APBB1IP: variants seen among roughly 807,000 people sequenced by gnomAD.
APBB1IP encodes amyloid beta precursor protein binding family B member 1 interacting protein, also known as amyloid beta A4 precursor protein-binding family B member 1-interacting protein.
A neutral mutation model predicts 64.9 loss-of-function variants in APBB1IP; 27 were observed. The observed-to-expected ratio is 0.42, with a 90% CI of 0.31 to 0.57. The LOEUF (loss-of-function observed/expected upper bound fraction) is 0.57. Ranked by LOEUF, APBB1IP falls within the 20% of genes least tolerant of loss-of-function variation. The pLI, the probability that APBB1IP is intolerant of heterozygous loss-of-function variation, is 0.20. For missense variants in APBB1IP, 812 were observed against 845.5 expected (o/e 0.96, Z 0.49); for synonymous variants, 392 against 331.0 (o/e 1.18, Z -2.00).
chr10:26,475,755 GATA>G (rs1347454793), intron 2 of APBB1IP, among the ~76,000 whole-genome samples: 3 of 152,192 alleles, frequency 2.0e-5, no homozygotes, highest in Non-Finnish European at 4.4e-5. Context: ...ACACAGGAGA[GATA>G]ATATTTTTTT....
chr10:26,518,905 A>C (rs368574765), intron 8 of APBB1IP, among the ~76,000 whole-genome samples: 1 of 152,164 alleles, frequency 6.6e-6, no homozygotes, highest in Non-Finnish European at 1.5e-5. Context: ...GCCTTCACAC[A>C]GATTTTTTAT....
chr10:26,543,808 G>A (rs1229064392), intron 11 of APBB1IP, among the ~76,000 whole-genome samples: 1 of 152,094 alleles, frequency 6.6e-6, no homozygotes, highest in Non-Finnish European at 1.5e-5. Context: ...AATGAGGTGA[G>A]GGAGCAAGAA....
chr10:26,488,899 G>T (rs1835924022), intron 2 of APBB1IP, among the ~76,000 whole-genome samples: 1 of 152,070 alleles, frequency 6.6e-6, no homozygotes, highest in Non-Finnish European at 1.5e-5. Context: ...TGGCTTCCTT[G>T]GATTCAAACA....
At chr10:26,556,788 T>A (rs1836899876) in intron 11 of APBB1IP, among the ~76,000 whole-genome samples, 1 of 152,216 alleles carries the variant, frequency 6.6e-6, no homozygotes, top group South Asian at 2.1e-4. Context: ...TTTAAATGTC[T>A]GAGTGGGGGG....
At chr10:26,533,711 A>G (rs1836583240) in intron 9 of APBB1IP, among the ~76,000 whole-genome samples, 186 bp downstream of exon 9, 1 of 152,110 alleles carries the variant, frequency 6.6e-6, no homozygotes, top group Non-Finnish European at 1.5e-5. Context: ...TTTTTGAGTC[A>G]TTTGTTACAA....
chr10:26,562,272 A>C, intron 13 of APBB1IP, 54 bp from the exon 14 acceptor site: 1 of 1,350,666 alleles, frequency 7.4e-7, no homozygotes, highest in Non-Finnish European at 1.1e-6. Flanking sequence ...ATCGACTTTC[A>C]AGAATGTTGA....
At chr10:26,454,041 T>C (rs4275518) in intron 2 of APBB1IP, among the ~76,000 whole-genome samples, 60,749 of 152,102 alleles carry the variant, frequency 0.4, 12,276 homozygotes, top group South Asian at 0.5. Flanking sequence ...AAAAAGAATG[T>C]TATCTTGTCA....
At chr10:26,453,946 T>A (rs1438436246) in intron 2 of APBB1IP, among the ~76,000 whole-genome samples, 4 of 152,160 alleles carry the variant, frequency 2.6e-5, no homozygotes, top group African/African-American at 7.2e-5. Context: ...GTTCACAAGA[T>A]TTGGAAACAA....
chr10:26,507,921 C>T (rs1254070928), intron 6 of APBB1IP, among the ~76,000 whole-genome samples: 3 of 151,938 alleles, frequency 2.0e-5, no homozygotes, highest in Non-Finnish European at 2.9e-5. Context: ...AAAGTGTTGC[C>T]ATGATTTAGT....
intron 2 of APBB1IP, among the ~76,000 whole-genome samples, chr10:26,481,069 G>GA (rs374379376): frequency 4.7e-5 from 7 of 150,240 alleles, no homozygotes; most frequent in South Asian, 2.1e-4. Flanking sequence ...ACCCAAAGTA[G>GA]AAAAAAAAAG....
intron 11 of APBB1IP, among the ~76,000 whole-genome samples, chr10:26,544,708 G>A (rs1172234691): frequency 6.6e-6 from 1 of 152,208 alleles, no homozygotes; most frequent in Non-Finnish European, 1.5e-5. Flanking sequence ...GTGAACAGGG[G>A]AGGGACTCAG....
chr10:26,542,455 C>T (rs1409332503), intron 11 of APBB1IP, among the ~76,000 whole-genome samples: 3 of 152,174 alleles, frequency 2.0e-5, no homozygotes, highest in Admixed American at 6.5e-5. Context: ...CACTCCTGGC[C>T]GATTTACATT....
intron 5 of APBB1IP, chr10:26,501,706 G>T: frequency 6.5e-6 from 1 of 152,950 alleles, no homozygotes; most frequent in Non-Finnish European, 1.5e-5. Flanking sequence ...TTAACTCATA[G>T]TATGTCTCTC....
intron 8 of APBB1IP, among the ~76,000 whole-genome samples, chr10:26,514,921 G>T (rs747965693): frequency 4.0e-5 from 6 of 151,808 alleles, no homozygotes; most frequent in Non-Finnish European, 7.4e-5. Flanking sequence ...TGCCAGGCTG[G>T]AGTGCAGTGG....
At position 26,506,934 on chromosome 10, in the gene APBB1IP, G is replaced by A. The variant is rs915989343; in HGVS notation, c.531+3660G>A. On this transcript the variant is annotated intron_variant, in intron 6 of 14. Transcript: ENST00000376236. ...CTCTCTGAGCAGGCAGCCCTGAAGG[G>A]GAGGCCTCCGGCCAGAAGCAGCTGG... Among the ~76,000 whole-genome samples the A allele has an allele frequency of 4.5e-4, 69 of 152,320 alleles. 1 individual carries two copies. The highest frequency in any genetic ancestry group is 1.6e-3 in the African/African-American group (67 of 41,584).
intron 2 of APBB1IP, among the ~76,000 whole-genome samples, chr10:26,490,797 T>A (rs989915062): frequency 1.3e-5 from 2 of 152,238 alleles, no homozygotes; most frequent in African/African-American, 2.4e-5. Flanking sequence ...AAAATCATTA[T>A]TCTCTCTGCT....
chr10:26,479,828 A>C (rs1203399053), intron 2 of APBB1IP, among the ~76,000 whole-genome samples: 2 of 152,218 alleles, frequency 1.3e-5, no homozygotes, highest in Non-Finnish European at 2.9e-5. Context: ...TTGAGAGTTG[A>C]GAAGAAGTTG....
chr10:26,447,267 C>T (rs911028090), intron 2 of APBB1IP, among the ~76,000 whole-genome samples: 1 of 147,062 alleles, frequency 6.8e-6, no homozygotes, highest in African/African-American at 2.5e-5. Flanking sequence ...CCCAGCTACT[C>T]GGGAGGCTGA....
chr10:26,519,517 AC>A (rs1410006047), intron 8 of APBB1IP, among the ~76,000 whole-genome samples: 1 of 152,176 alleles, frequency 6.6e-6, no homozygotes, highest in African/African-American at 2.4e-5. Context: ...CTATCATGAG[AC>A]AGCACTAAAG....
Sources: allele counts gnomAD v4.1 joint callset (sites outside exome capture counted in the v4.1 genomes callset), GRCh38; gene constraint gnomAD v4.1.1; transcripts MANE v1.5; gene names NCBI Gene and HGNC (gene_info 2026-07-23, HGNC 2026-07-21).